The following ARHGEF17 variants were observed in gnomAD, a reference collection of about 807,000 sequenced individuals.
ARHGEF17 encodes Rho guanine nucleotide exchange factor 17.
A neutral mutation model predicts 174.0 loss-of-function variants in ARHGEF17; 80 were observed. The observed-to-expected ratio is 0.46, with a 90% CI of 0.38 to 0.55. The LOEUF is 0.55. Among genes scored for constraint, ARHGEF17 ranks in the 20% least tolerant of loss-of-function variants. The pLI, the probability that ARHGEF17 is intolerant of heterozygous loss-of-function variation, is 0.00. For synonymous variants in ARHGEF17, 1,311 were observed against 1,189.1 expected (o/e 1.10, Z -2.11); for missense variants, 2,886 against 2,839.7 (o/e 1.02, Z -0.37).
rs536766515 is a variant in ARHGEF17, at chr11:73,309,775, G to C, written c.1137G>C (p.Ser379=). The C allele has an allele frequency of 4.1e-5, 66 of 1,612,974 alleles. No homozygotes were observed. In the South Asian group the frequency reaches 7.0e-4, roughly 17 times the overall value. Reference sequence around the variant, plus strand: ...GTGTGGCCAAGGTGAGCTTTCCCTCGTACCTGGCCAGCCCCGCAGGCTCCC... The same window carrying C: ...GTGTGGCCAAGGTGAGCTTTCCCTCCTACCTGGCCAGCCCCGCAGGCTCCC... The part of the protein sequence containing the change: ...AFRVAKVSFP[S]YLASPAGSRG... Residue 379 remains serine (S), a synonymous_variant, in exon 1 of 21, where the codon TCG becomes TCC. Transcript: ENST00000263674.
At chr11:73,356,594 A>T (rs909657977) in intron 6 of ARHGEF17, 115 bp from the exon 7 acceptor site, 1 of 1,396,316 alleles carries the variant, frequency 7.2e-7, no homozygotes, top group Non-Finnish European at 9.9e-7. Flanking sequence ...GGTGGGAAGC[A>T]TGCTGCTTCC....
intron 1 of ARHGEF17, among the ~76,000 whole-genome samples, chr11:73,324,471 C>A (rs763800142): frequency 5.9e-5 from 9 of 152,308 alleles, no homozygotes; most frequent in Non-Finnish European, 1.3e-4. Context: ...GTCCTGGGGA[C>A]CAGGCAGGTG....
At position 73,363,831 on chromosome 11, in the gene ARHGEF17, C is replaced by T; in HGVS notation, c.5331C>T (p.Ile1777=). Residue 1777 remains isoleucine (I), a splice_region_variant and synonymous_variant, in exon 16 of 21, where the codon ATC becomes ATT. Transcript: ENST00000263674. ...KLQHAASVTC[I]LYLNNQVFVS... ...AGCATGCGGCCTCTGTGACCTGCAT[C>T]TTGTAAGGCCCCAGGGTGGCCCTTC... 1 of 1,613,882 alleles carries T rather than the reference C, an allele frequency of 6.2e-7. No individual in the cohort carries two copies. Among genetic ancestry groups the T allele is most frequent in the Non-Finnish European group, 8.5e-7 (1 of 1,180,018 alleles).
In ARHGEF17 at chr11:73,309,454, C is replaced by T. The variant is rs770213890; in HGVS notation, c.816C>T (p.Gly272=). Reference sequence around the variant, plus strand: ...CCCAGAGTCCGGCCTACCACGGCGGCCACTCCTCGGGCAGTGACGACGACC... The same window carrying T: ...CCCAGAGTCCGGCCTACCACGGCGGTCACTCCTCGGGCAGTGACGACGACC... The part of the protein sequence containing the change: ...PGAQSPAYHG[G]HSSGSDDDRD... Residue 272 remains glycine (G), a synonymous_variant, in exon 1 of 21, where the codon GGC becomes GGT. Coordinates refer to ENST00000263674, the MANE Select transcript of ARHGEF17 (RefSeq NM_014786.4). 5.2e-6 allele frequency: 8 copies of T among 1,540,424 alleles called. No homozygotes were observed. The highest frequency in any genetic ancestry group is 7.0e-6 in the Non-Finnish European group (8 of 1,142,094).
At position 73,329,373 on chromosome 11, in the gene ARHGEF17, ATT is replaced by A. The variant is rs1192905396; in HGVS notation, c.3193-17495_3193-17494del. ...TATATATATATATATATATATATATATTTTTTTTTTTTTTTTGTATTTTGGGT... is the reference window on the plus strand; with the variant it reads ...TATATATATATATATATATATATATATTTTTTTTTTTTTTGTATTTTGGGT... On this transcript the variant is annotated intron_variant, in intron 1 of 20. Transcript: ENST00000263674. 1.7e-3 allele frequency among the ~76,000 whole-genome samples: 23 copies of A among 13,160 alleles called. 2 individuals are homozygous for A. The highest frequency in any genetic ancestry group is 0.011 in the African/African-American group (22 of 1,970). The allele number at this position is 13,160 out of a possible 152,430, so 8.6% of individuals were successfully genotyped here.
rs371755247 is a variant in ARHGEF17 at position 73,359,947 on chromosome 11, C to T, written c.4201C>T (p.His1401Tyr). 1.2e-6 allele frequency: 2 copies of T among 1,607,866 alleles called. No homozygotes were observed. The highest frequency in any genetic ancestry group is 1.3e-5 in the African/African-American group (1 of 74,752). Residue 1401 changes from histidine (H) to tyrosine (Y), a missense_variant, in exon 10 of 21, where the codon CAC becomes TAC. By Grantham distance (83) the His-to-Tyr change is moderately conservative. Around this residue, in one of 4 missense-constraint regions of ARHGEF17, gnomAD observed 476 missense variants for 473.1 expected, o/e 1.01. Coordinates refer to ENST00000263674, the MANE Select transcript of ARHGEF17 (RefSeq NM_014786.4). ...GCTCTCTGAGAGCCTTGGTTTCCCC[C>T]ACCAGGTCTGTGCCCTCTGCCTGAC... is the stretch of plus-strand genomic sequence containing the variant. ...SKLSESLGFP[H>Y]QSLDDALRDL... is the part of the protein sequence containing the mutation.
intron 1 of ARHGEF17, among the ~76,000 whole-genome samples, chr11:73,316,310 A>G (rs997859984): frequency 2.0e-5 from 3 of 152,240 alleles, no homozygotes; most frequent in Admixed American, 2.0e-4. Flanking sequence ...GCAATAAGAC[A>G]TGTCAGGCCT....
intron 3 of ARHGEF17, among the ~76,000 whole-genome samples, chr11:73,353,512 T>C (rs1388811840): frequency 6.6e-6 from 1 of 152,238 alleles, no homozygotes; most frequent in Non-Finnish European, 1.5e-5. Context: ...GGCATTGTTC[T>C]AAATGTGTTG....
In ARHGEF17 at chr11:73,359,847, C is replaced by T. The variant is rs771519003; in HGVS notation, c.4101C>T (p.Ala1367=). The T allele has an allele frequency of 2.5e-6, 4 of 1,609,964 alleles. No homozygotes were observed. Among genetic ancestry groups the T allele is most frequent in the Non-Finnish European group, 3.4e-6 (4 of 1,177,990 alleles). ...DADIIKGASQ[A]TNRENIQKAI... ...CTCTCCCTCTAGGGGCATCCCAAGC[C>T]ACCAATCGGGAGAACATCCAGAAGG... Residue 1367 remains alanine (A), a synonymous_variant, in exon 10 of 21, where the codon GCC becomes GCT. Coordinates refer to ENST00000263674, the MANE Select transcript of ARHGEF17 (RefSeq NM_014786.4).
chr11:73,363,782 A>G lies in ARHGEF17; in HGVS notation c.5282A>G (p.Asp1761Gly), dbSNP rs766013471. 3.7e-5 allele frequency: 60 copies of G among 1,613,954 alleles called. No individual in the cohort carries two copies. Among genetic ancestry groups the G allele is most frequent in the Non-Finnish European group, 5.0e-5 (59 of 1,180,024 alleles). The stretch of plus-strand genomic sequence containing the variant: ...TACCAGTCCTCCGACAGCATCCGTG[A>G]CCGCAGGAACAGCATGAAGCTCCAG... The part of the protein sequence containing the change: ...HVYQSSDSIR[D>G]RRNSMKLQHA... Residue 1761 changes from aspartate (D) to glycine (G), a missense_variant, in exon 16 of 21, where the codon GAC (aspartate) becomes GGC (glycine). Asp to Gly is a moderately conservative substitution (Grantham distance 94, BLOSUM62 -1). Coordinates refer to ENST00000263674, the MANE Select transcript of ARHGEF17 (RefSeq NM_014786.4).
At chr11:73,348,688 G>A (rs191178344) in intron 2 of ARHGEF17, among the ~76,000 whole-genome samples, 2 of 152,286 alleles carry the variant, frequency 1.3e-5, no homozygotes, top group African/African-American at 4.8e-5. Context: ...GATAAAAAGA[G>A]TTTTAGAGCT....
At chr11:73,364,028 C>T in intron 16 of ARHGEF17, 144 bp from the exon 17 acceptor site, 1 of 1,070,908 alleles carries the variant, frequency 9.3e-7, no homozygotes, top group Non-Finnish European at 1.4e-6. Context: ...TTCTTAGCCT[C>T]AGGCAACCCC....
At position 73,311,849 on chromosome 11, in the gene ARHGEF17, C is replaced by T. The variant is rs952235669; in HGVS notation, c.3192+19C>T. ...ACAGGTGGTGAGTCCTTTGTAGGGG[C>T]CTTCAGATTGGGGCCAAAGAAGGGC... On this transcript the variant is annotated intron_variant, in intron 1 of 20. Coordinates refer to ENST00000263674, the MANE Select transcript of ARHGEF17 (RefSeq NM_014786.4). 1.3e-6 allele frequency: 2 copies of T among 1,574,276 alleles called. No homozygotes were observed. The highest frequency in any genetic ancestry group is 2.3e-5 in the East Asian group (1 of 44,224).
rs549543808 is a variant in ARHGEF17 at position 73,312,739 on chromosome 11, T to TG, written c.3192+909_3192+910insG. ...GCCTCTATGGGTCTGGGGGGTCGGT[T>TG]CTTGTTCCCCCATCCTGTCTGCTTG... On this transcript the variant is annotated intron_variant, in intron 1 of 20. Coordinates refer to ENST00000263674, the MANE Select transcript of ARHGEF17 (RefSeq NM_014786.4). Among the ~76,000 whole-genome samples the TG allele has an allele frequency of 9.1e-4, 138 of 151,952 alleles. 1 individual carries two copies. The highest frequency in any genetic ancestry group is 3.2e-3 in the African/African-American group (132 of 41,434).
Position 73,309,415 on chromosome 11 carries a change from G to T in ARHGEF17, c.777G>T (p.Pro259=), listed in dbSNP as rs748279160. Residue 259 remains proline (P), a synonymous_variant, in exon 1 of 21, where the codon CCG becomes CCT. Coordinates refer to ENST00000263674, the MANE Select transcript of ARHGEF17 (RefSeq NM_014786.4). ...SSSEEEEEGP[P]QLPGAQSPAY... is the part of the protein sequence containing the mutation. Reference sequence around the variant, plus strand: ...GCGAGGAGGAAGAGGAGGGCCCGCCGCAGCTGCCTGGAGCCCAGAGTCCGG... The same window carrying T: ...GCGAGGAGGAAGAGGAGGGCCCGCCTCAGCTGCCTGGAGCCCAGAGTCCGG... 1 of 1,552,078 alleles carries T rather than the reference G, an allele frequency of 6.4e-7. No individual in the cohort carries two copies. Among genetic ancestry groups the T allele is most frequent in the Admixed American group, 1.9e-5 (1 of 52,494 alleles).
chr11:73,362,012 T>C (rs1011085371), intron 12 of ARHGEF17, 28 bp from the exon 13 acceptor site: 1 of 1,602,820 alleles, frequency 6.2e-7, no homozygotes, highest in African/African-American at 1.3e-5. Flanking sequence ...TCCATTCACC[T>C]TCTCCTGTCC....
intron 18 of ARHGEF17, 121 bp downstream of exon 18, chr11:73,364,721 GAC>G: frequency 7.6e-7 from 1 of 1,323,822 alleles, no homozygotes; most frequent in East Asian, 2.5e-5. Context: ...GCCTTCCTCT[GAC>G]CACAGAGTGA....
intron 20 of ARHGEF17, among the ~76,000 whole-genome samples, chr11:73,366,992 A>G (rs989356502): frequency 1.3e-5 from 2 of 152,206 alleles, no homozygotes; most frequent in African/African-American, 4.8e-5. Flanking sequence ...GTGAGCCAAG[A>G]GTATGTGCCA....
chr11:73,351,416 A>G (rs975647846), intron 2 of ARHGEF17, among the ~76,000 whole-genome samples: 2 of 152,120 alleles, frequency 1.3e-5, no homozygotes, highest in African/African-American at 4.8e-5. Flanking sequence ...TATTAAAGCT[A>G]GGGGAACATC....
Sources: gnomAD v4.1 joint callset for allele counts (sites outside exome capture counted in the v4.1 genomes callset) on GRCh38, gnomAD v4.1.1 for gene constraint, gnomAD v4.1.1 regional missense constraint, MANE v1.5 for transcripts, NCBI Gene and HGNC (gene_info 2026-07-23, HGNC 2026-07-21) for gene names.